The following CNMD variants were observed in gnomAD, a reference collection of about 807,000 sequenced individuals.
CNMD encodes leukocyte cell-derived chemotaxin 1.
A neutral mutation model predicts 37.5 loss-of-function variants in CNMD; 30 were observed. That is an observed-to-expected ratio of 0.80 (90% CI 0.60 to 1.09). CNMD has a LOEUF of 1.09. CNMD is among the 50% of genes least tolerant of loss of function. The pLI, the probability that CNMD is intolerant of heterozygous loss-of-function variation, is 0.00. For synonymous variants in CNMD, 167 were observed against 148.2 expected (o/e 1.13, Z -0.92); for missense variants, 398 against 423.9 (o/e 0.94, Z 0.54).
At chr13:52,717,942 G>A (rs1057359239) in intron 4 of CNMD, among the ~76,000 whole-genome samples, 21 of 152,116 alleles carry the variant, frequency 1.4e-4, no homozygotes, top group African/African-American at 4.3e-4. Context: ...TGTACCTCTG[G>A]TAGAATTTGG....
At chr13:52,729,162 C>T (rs907424170) in intron 3 of CNMD, among the ~76,000 whole-genome samples, 1 of 152,050 alleles carries the variant, frequency 6.6e-6, no homozygotes, top group African/African-American at 2.4e-5. Flanking sequence ...ACCAGAGGTT[C>T]CCAAGGATGG....
intron 4 of CNMD, among the ~76,000 whole-genome samples, chr13:52,723,633 AGT>A (rs1213416975): frequency 1.3e-5 from 2 of 152,146 alleles, no homozygotes; most frequent in Non-Finnish European, 2.9e-5. Context: ...AGAAACCAAA[AGT>A]GTTGTGCCTT....
intron 2 of CNMD, among the ~76,000 whole-genome samples, chr13:52,733,693 AGC>A (rs961466114): frequency 7.2e-5 from 11 of 152,226 alleles, no homozygotes; most frequent in African/African-American, 2.7e-4. Flanking sequence ...TCAAATCAGA[AGC>A]TGTGGGAAGG....
At chr13:52,722,256 C>T (rs1006420585) in intron 4 of CNMD, among the ~76,000 whole-genome samples, 2 of 152,154 alleles carry the variant, frequency 1.3e-5, no homozygotes, top group Non-Finnish European at 2.9e-5. Flanking sequence ...TTTACAAACT[C>T]ACGGGTTTGT....
chr13:52,717,833 G>T (rs1244893118), intron 4 of CNMD, among the ~76,000 whole-genome samples: 1 of 152,158 alleles, frequency 6.6e-6, no homozygotes, highest in Admixed American at 6.5e-5. Flanking sequence ...CCAGGTTTTA[G>T]TATCAGGATG....
intron 3 of CNMD, among the ~76,000 whole-genome samples, chr13:52,726,807 C>T (rs1190836371): frequency 2.6e-5 from 4 of 151,630 alleles, no homozygotes; most frequent in South Asian, 4.2e-4. Flanking sequence ...AAAGAAGCTC[C>T]GTGAGATACA....
At chr13:52,735,304 T>C (rs1964738209) in intron 2 of CNMD, among the ~76,000 whole-genome samples, 1 of 152,184 alleles carries the variant, frequency 6.6e-6, no homozygotes, top group Non-Finnish European at 1.5e-5. Flanking sequence ...GTGATGACTG[T>C]CAGAAGGAGC....
chr13:52,705,655 T>A (rs7984073), intron 6 of CNMD, among the ~76,000 whole-genome samples: 2 of 152,226 alleles, frequency 1.3e-5, no homozygotes, highest in Admixed American at 6.5e-5. Flanking sequence ...CCCTAAGATA[T>A]GTTTTTTAAA....
intron 5 of CNMD, 88 bp downstream of exon 5, chr13:52,712,628 A>G (rs770308795): frequency 7.8e-6 from 6 of 767,314 alleles, no homozygotes; most frequent in East Asian, 2.9e-5. Flanking sequence ...CCTTGTTAAC[A>G]TGCTCAGGCC....
intron 4 of CNMD, among the ~76,000 whole-genome samples, chr13:52,715,049 T>A (rs1011045756): frequency 6.6e-6 from 1 of 152,204 alleles, no homozygotes; most frequent in Non-Finnish European, 1.5e-5. Context: ...TATATACTTA[T>A]GGGTTACCTA....
At chr13:52,727,851 CA>C in intron 3 of CNMD, among the ~76,000 whole-genome samples, 1 of 152,226 alleles carries the variant, frequency 6.6e-6, no homozygotes, top group African/African-American at 2.4e-5. Flanking sequence ...GTGGTAAAAA[CA>C]TGCAGTTAGA....
At chr13:52,706,724 A>AGTGT (rs1491541603) in intron 6 of CNMD, among the ~76,000 whole-genome samples, 1 of 16,878 alleles carries the variant, frequency 5.9e-5, no homozygotes. Flanking sequence ...TTGTGTTAAA[A>AGTGT]GTGTGTGTGT....
intron 5 of CNMD, among the ~76,000 whole-genome samples, chr13:52,711,506 A>G (rs533545141): frequency 1.1e-4 from 17 of 152,128 alleles, no homozygotes; most frequent in Non-Finnish European, 2.4e-4. Context: ...CTGAGCCTGC[A>G]TGTGGTCTCC....
chr13:52,706,994 A>G lies in CNMD; in HGVS notation c.789+1542T>C, dbSNP rs562655034. 1.3e-3 allele frequency among the ~76,000 whole-genome samples: 194 copies of G among 152,192 alleles called. 1 individual carries two copies. Among genetic ancestry groups the G allele is most frequent in the Non-Finnish European group, 2.3e-3 (159 of 68,004 alleles). ...CCGCAACCTCAGTCTCCTGGGTTCA[A>G]GTGATTCTCCTACCTCAGCCTCCTG... On this transcript the variant is annotated intron_variant, in intron 6 of 6. Coordinates refer to ENST00000377962, the MANE Select transcript of CNMD (RefSeq NM_007015.3).
At position 52,703,599 on chromosome 13, in the gene CNMD, A is replaced by G; in HGVS notation, c.1001T>C (p.Val334Ala). ...SWWVARILGM[V>A] ...CACATGATATATGAAGTGATTTCAC[A>G]CCATGCCCAAGATACGGGCCACCCA... Residue 334 changes from valine (V) to alanine (A), a missense_variant, in exon 7 of 7, where the codon GTG becomes GCG. Physicochemically the swap from Val to Ala is moderately conservative, Grantham distance 64 (BLOSUM62 0). Transcript: ENST00000377962. 6.2e-7 allele frequency: 1 copy of G among 1,608,044 alleles called. No homozygotes were observed. The highest frequency in any genetic ancestry group is 8.5e-7 in the Non-Finnish European group (1 of 1,175,326).
chr13:52,723,345 G>A lies in CNMD; in HGVS notation c.468+652C>T, dbSNP rs150204828. On this transcript the variant is annotated intron_variant, in intron 4 of 6. Coordinates refer to ENST00000377962, the MANE Select transcript of CNMD (RefSeq NM_007015.3). ...TGGGCTTAAATGAACTGCCCACCTCGGCCTCCCAAAGTGCTGGGATTACCA... is the reference window on the plus strand; with the variant it reads ...TGGGCTTAAATGAACTGCCCACCTCAGCCTCCCAAAGTGCTGGGATTACCA... 3.9e-3 allele frequency among the ~76,000 whole-genome samples: 600 copies of A among 152,028 alleles called. 4 individuals are homozygous for A. The highest frequency in any genetic ancestry group is 0.014 in the African/African-American group (578 of 41,466).
intron 3 of CNMD, among the ~76,000 whole-genome samples, chr13:52,724,606 AAAAC>A (rs574414160): frequency 1.2e-4 from 18 of 151,880 alleles, no homozygotes; most frequent in African/African-American, 2.4e-4. Flanking sequence ...ACAAAAACAA[AAAAC>A]AAACAAAAAC....
chr13:52,724,183 T>A, intron 3 of CNMD, 73 bp from the exon 4 acceptor site: 1 of 1,132,192 alleles, frequency 8.8e-7, no homozygotes, highest in South Asian at 1.3e-5. Flanking sequence ...TCTACTGTGT[T>A]CCAGATGCTG....
At chr13:52,730,091 C>T (rs1406506685) in intron 3 of CNMD, among the ~76,000 whole-genome samples, 24 of 151,108 alleles carry the variant, frequency 1.6e-4, no homozygotes, top group Non-Finnish European at 2.5e-4. Flanking sequence ...TTTGTCCTTG[C>T]GATAGTTTGC....
Sources: allele counts gnomAD v4.1 joint callset (sites outside exome capture counted in the v4.1 genomes callset), GRCh38; gene constraint gnomAD v4.1.1; transcripts MANE v1.5; gene names NCBI Gene and HGNC (gene_info 2026-07-23, HGNC 2026-07-21).